The following ASAH2 variants were observed in gnomAD, a reference collection of about 807,000 sequenced individuals.
The protein encoded by ASAH2 is N-acylsphingosine amidohydrolase 2.
A neutral mutation model predicts 82.9 loss-of-function variants in ASAH2; 58 were observed. The ratio of observed to expected loss-of-function variants is 0.70; its 90% confidence interval spans 0.57 to 0.87. ASAH2 has a LOEUF of 0.87. ASAH2 is among the 40% of genes least tolerant of loss of function. The pLI, the probability that ASAH2 is intolerant of heterozygous loss-of-function variation, is 0.00. For synonymous variants in ASAH2, 276 were observed against 289.7 expected (o/e 0.95, Z 0.48); for missense variants, 779 against 834.0 (o/e 0.93, Z 0.81).
rs1409550295 is a variant in ASAH2, at chr10:50,238,809, T to C, written c.511-2745A>G. The stretch of plus-strand genomic sequence containing the variant: ...CAAGCCCTTAAGAAGACAGAAATTA[T>C]GAATCTTGAATTTTAAAACAAGAAA... On this transcript the variant is annotated intron_variant, in intron 4 of 20. Transcript: ENST00000682911. 2.6e-5 allele frequency among the ~76,000 whole-genome samples: 4 copies of C among 152,318 alleles called. No homozygotes were observed. The East Asian group carries it at 5.8e-4, about 22-fold the overall frequency.
chr10:50,201,597 C>T (rs1490352052), intron 16 of ASAH2, among the ~76,000 whole-genome samples: 2 of 152,084 alleles, frequency 1.3e-5, no homozygotes, highest in Non-Finnish European at 2.9e-5. Context: ...CCCATCTCAC[C>T]TGGACCAGGA....
At chr10:50,235,184 A>C (rs2117956) in intron 5 of ASAH2, among the ~76,000 whole-genome samples, 94,220 of 151,962 alleles carry the variant, frequency 0.62, 31,165 homozygotes, top group Non-Finnish European at 0.76. Context: ...TAATACATTG[A>C]AAGCCTCAGT....
intron 17 of ASAH2, among the ~76,000 whole-genome samples, chr10:50,197,268 A>G (rs1845012358): frequency 6.6e-6 from 1 of 151,928 alleles, no homozygotes; most frequent in Non-Finnish European, 1.5e-5. Context: ...ATACCATGAC[A>G]GTGTAATTAT....
rs1846355009 is a variant in ASAH2, at chr10:50,243,289, G to C, written c.423C>G (p.Ala141=). The change falls in exon 4 of 21, where the codon GCC becomes GCG. Residue 141 remains alanine, a synonymous_variant. Transcript: ENST00000682911. ...ACCCATCAGGTTCTGCCATGATGAA[G>C]GCACGACTGTATAGCCTGGTGAGGA... ...QGILTRLYSR[A]FIMAEPDGSN... 2 of 1,614,116 alleles carry C rather than the reference G, an allele frequency of 1.2e-6. No homozygotes were observed. Among genetic ancestry groups the C allele is most frequent in the Non-Finnish European group, 1.7e-6 (2 of 1,179,994 alleles).
intron 4 of ASAH2, among the ~76,000 whole-genome samples, chr10:50,239,970 C>T (rs1362828389): frequency 2.0e-4 from 31 of 151,670 alleles, no homozygotes; most frequent in African/African-American, 7.5e-4. Flanking sequence ...GCTGGGACTA[C>T]AGGCTCCTTC....
chr10:50,214,909 T>C (rs1486908599), intron 8 of ASAH2, 41 bp from the exon 9 acceptor site: 2 of 1,610,808 alleles, frequency 1.2e-6, no homozygotes, highest in African/African-American at 2.7e-5. Context: ...TTCTTTCCTA[T>C]TTCCTGTAAT....
chr10:50,193,729 T>TA (rs1231237514), intron 18 of ASAH2, among the ~76,000 whole-genome samples: 1 of 151,604 alleles, frequency 6.6e-6, no homozygotes, highest in Non-Finnish European at 1.5e-5. Flanking sequence ...ATGCAATAGG[T>TA]AAAAGCAATA....
At chr10:50,206,537 TACACACACACACACACACAC>T (rs544968746) in intron 12 of ASAH2, among the ~76,000 whole-genome samples, 3 of 130,736 alleles carry the variant, frequency 2.3e-5, no homozygotes, top group Non-Finnish European at 3.3e-5. Flanking sequence ...TTTAGTTATC[TACACACACACACACACACAC>T]ACACACACAC....
At chr10:50,242,647 C>T (rs527284893) in intron 4 of ASAH2, among the ~76,000 whole-genome samples, 12 of 134,866 alleles carry the variant, frequency 8.9e-5, no homozygotes, top group Middle Eastern at 3.9e-3. Context: ...TCTCTCTCTC[C>T]GTCTCCTCCT....
rs1237624292 is a variant in ASAH2 at position 50,203,689 on chromosome 10, GA to G, written c.1626-11del. On this transcript the variant is annotated splice_polypyrimidine_tract_variant and intron_variant, in intron 14 of 20. Transcript: ENST00000682911. ...TCGTCCAGACATGGTCCTGAGTCAA[GA>G]AAAAAATTATGTAAACGTTTTCCTA... is the stretch of plus-strand genomic sequence containing the variant. 4 of 1,611,952 alleles carry G rather than the reference GA, an allele frequency of 2.5e-6. No homozygotes were observed. Among genetic ancestry groups the G allele is most frequent in the African/African-American group, 2.7e-5 (2 of 74,798 alleles).
At chr10:50,199,382 C>A (rs1845080640) in intron 16 of ASAH2, among the ~76,000 whole-genome samples, 5 of 152,076 alleles carry the variant, frequency 3.3e-5, no homozygotes, top group African/African-American at 1.2e-4. Flanking sequence ...GCCATTTAGA[C>A]TGTCACTCTA....
intron 2 of ASAH2, 29 bp downstream of exon 2, chr10:50,248,455 T>C (rs1846528852): frequency 6.2e-7 from 1 of 1,607,412 alleles, no homozygotes; most frequent in Non-Finnish European, 8.5e-7. Flanking sequence ...GGCCTAAAAA[T>C]TGCATCTAAG....
At chr10:50,209,494 C>T (rs1053891712) in intron 12 of ASAH2, among the ~76,000 whole-genome samples, 3 of 151,350 alleles carry the variant, frequency 2.0e-5, no homozygotes, top group Admixed American at 6.6e-5. Flanking sequence ...GGACTACAGG[C>T]GTGCACCACC....
chr10:50,233,090 C>T, intron 7 of ASAH2, 94 bp downstream of exon 7: 1 of 989,730 alleles, frequency 1.0e-6, no homozygotes, highest in East Asian at 2.4e-5. Flanking sequence ...AACTTATTCT[C>T]AGTGTGTGCT....
chr10:50,224,301 A>C (rs1845822496), intron 7 of ASAH2, among the ~76,000 whole-genome samples: 1 of 152,164 alleles, frequency 6.6e-6, no homozygotes. Flanking sequence ...TGCTATACTG[A>C]TACTACTGCT....
chr10:50,219,304 C>A (rs1845684449), intron 7 of ASAH2, among the ~76,000 whole-genome samples: 1 of 152,218 alleles, frequency 6.6e-6, no homozygotes, highest in Non-Finnish European at 1.5e-5. Flanking sequence ...AATTTCACAT[C>A]TGTTACCTTA....
chr10:50,248,415 G>T, intron 2 of ASAH2, 69 bp downstream of exon 2: 6 of 1,557,894 alleles, frequency 3.9e-6, no homozygotes, highest in Admixed American at 1.8e-5. Flanking sequence ...TTTCTCTTTG[G>T]TGTCCACAGT....
At chr10:50,193,537 C>A (rs1449383202) in intron 18 of ASAH2, among the ~76,000 whole-genome samples, 2 of 151,350 alleles carry the variant, frequency 1.3e-5, no homozygotes, top group Admixed American at 6.6e-5. Flanking sequence ...AGAACAGTCC[C>A]CAGGCTCATA....
At chr10:50,248,146 T>C (rs1402699686) in intron 2 of ASAH2, among the ~76,000 whole-genome samples, 3 of 152,224 alleles carry the variant, frequency 2.0e-5, no homozygotes, top group Admixed American at 6.5e-5. Flanking sequence ...AAATGATGTC[T>C]ACAAGGAGGC....
Sources: allele counts gnomAD v4.1 joint callset (sites outside exome capture counted in the v4.1 genomes callset), GRCh38; gene constraint gnomAD v4.1.1; transcripts MANE v1.5; gene names NCBI Gene and HGNC (gene_info 2026-07-23, HGNC 2026-07-21).